The following LUZP2 variants were observed in gnomAD, a reference collection of about 807,000 sequenced individuals.
LUZP2 encodes leucine zipper protein 2.
Under a neutral mutation model 51.6 loss-of-function variants are expected in LUZP2, and 52 were observed. That is an observed-to-expected ratio of 1.01 (90% CI 0.81 to 1.27). The LOEUF (loss-of-function observed/expected upper bound fraction) is 1.27, where lower values mean the gene tolerates loss of function less well. LUZP2 is among the 50% of genes most tolerant of loss of function. LUZP2 has a pLI of 0.00. For missense variants in LUZP2, 436 were observed against 395.4 expected (o/e 1.10, Z -0.87); for synonymous variants, 154 against 137.3 (o/e 1.12, Z -0.85).
chr11:24,904,329 C>CG (rs964057993), intron 5 of LUZP2, among the ~76,000 whole-genome samples: 18 of 152,102 alleles, frequency 1.2e-4, no homozygotes, highest in African/African-American at 4.3e-4. Flanking sequence ...GCCACCCAGG[C>CG]TGGAGTGCAG....
intron 1 of LUZP2, among the ~76,000 whole-genome samples, chr11:24,647,031 T>C (rs1855483208): frequency 6.6e-6 from 1 of 152,006 alleles, no homozygotes; most frequent in African/African-American, 2.4e-5. Flanking sequence ...TATTAAGAAG[T>C]TGGGATTTGC....
chr11:25,007,913 A>T (rs1156886947), intron 9 of LUZP2, among the ~76,000 whole-genome samples: 2 of 152,230 alleles, frequency 1.3e-5, no homozygotes, highest in African/African-American at 4.8e-5. Flanking sequence ...TTATGTTGTA[A>T]CTAATATGCC....
In LUZP2 at chr11:24,517,483, C is replaced by CAAAAAAAAAAAAAAAAAAAAAA. The variant is rs71041768; in HGVS notation, c.62+20187_62+20208dup. On this transcript the variant is annotated intron_variant, in intron 1 of 11. Transcript: ENST00000336930. ...CCTGGGTGACAGAGCCAGACGCCGT[C>CAAAAAAAAAAAAAAAAAAAAAA]AAAAAAAAAAAAAAAAAAAAAAAAA... 2.5e-4 allele frequency among the ~76,000 whole-genome samples: 11 copies of CAAAAAAAAAAAAAAAAAAAAAA among 44,144 alleles called. 1 individual carries two copies. The highest frequency in any genetic ancestry group is 3.1e-4 in the Non-Finnish European group (8 of 25,470). 29.0% of individuals were successfully genotyped at this position (44,144 alleles called of 152,430 possible).
chr11:24,817,870 G>A (rs1850231694), intron 5 of LUZP2, among the ~76,000 whole-genome samples: 2 of 151,880 alleles, frequency 1.3e-5, no homozygotes, highest in Non-Finnish European at 2.9e-5. Context: ...CATACACTGT[G>A]TAATATTTTC....
intron 5 of LUZP2, among the ~76,000 whole-genome samples, chr11:24,879,619 C>T (rs140333421): frequency 0.011 from 1,662 of 152,228 alleles, 20 homozygotes; most frequent in South Asian, 0.036. Flanking sequence ...TTCTGACTGG[C>T]GTGAGATGGT....
chr11:24,995,065 A>C (rs1161224387), intron 9 of LUZP2, among the ~76,000 whole-genome samples: 2 of 152,200 alleles, frequency 1.3e-5, no homozygotes, highest in Non-Finnish European at 2.9e-5. Flanking sequence ...TTATAACCAC[A>C]AAATAAATTG....
rs113069193 is a variant in LUZP2, at chr11:24,707,307, C to T, written c.63-21862C>T. ...CTCTCTCTCTCTCATTCTGTGTGTGCGTGTGTGTGTGTGTGTGTGCATGTG... is the reference window on the plus strand; with the variant it reads ...CTCTCTCTCTCTCATTCTGTGTGTGTGTGTGTGTGTGTGTGTGTGCATGTG... On this transcript the variant is annotated intron_variant, in intron 1 of 11. Coordinates refer to ENST00000336930, the MANE Select transcript of LUZP2 (RefSeq NM_001009909.4). Among the ~76,000 whole-genome samples, 123 of 147,614 alleles carry T rather than the reference C, an allele frequency of 8.3e-4. 1 individual carries two copies. The South Asian group carries it at 0.012, about 14-fold the overall frequency.
chr11:24,762,903 T>A, intron 4 of LUZP2: 1 of 745,224 alleles, frequency 1.3e-6, no homozygotes, highest in South Asian at 6.1e-5. Context: ...GATTCCTAGG[T>A]TCAACTCTAG....
At chr11:25,062,124 A>G (rs1858857373) in intron 10 of LUZP2, among the ~76,000 whole-genome samples, 1 of 151,174 alleles carries the variant, frequency 6.6e-6, no homozygotes, top group African/African-American at 2.4e-5. Flanking sequence ...AAGAAGAAAA[A>G]GGAGGGAGAC....
At chr11:24,930,135 G>T (rs947765279) in intron 7 of LUZP2, among the ~76,000 whole-genome samples, 1 of 152,180 alleles carries the variant, frequency 6.6e-6, no homozygotes, top group South Asian at 2.1e-4. Flanking sequence ...TGTGTTGGGT[G>T]AGTCTCTTGA....
intron 1 of LUZP2, among the ~76,000 whole-genome samples, chr11:24,630,750 T>C (rs1023316068): frequency 3.3e-5 from 5 of 151,660 alleles, no homozygotes; most frequent in Non-Finnish European, 5.9e-5. Context: ...TGTTGTTATA[T>C]TGATAGAGTT....
At chr11:24,742,611 T>C (rs1320568285) in intron 4 of LUZP2, among the ~76,000 whole-genome samples, 1 of 152,158 alleles carries the variant, frequency 6.6e-6, no homozygotes, top group Non-Finnish European at 1.5e-5. Flanking sequence ...GTCAGATGTA[T>C]AGATTATGAA....
intron 1 of LUZP2, among the ~76,000 whole-genome samples, chr11:24,532,842 AATTAT>A (rs1038188519): frequency 2.2e-4 from 33 of 151,242 alleles, no homozygotes; most frequent in African/African-American, 7.5e-4. Flanking sequence ...TTTTAACTAT[AATTAT>A]ATTATCAGGT....
intron 1 of LUZP2, among the ~76,000 whole-genome samples, chr11:24,726,033 C>A (rs573497924): frequency 6.6e-6 from 1 of 152,178 alleles, no homozygotes; most frequent in South Asian, 2.1e-4. Flanking sequence ...GATTTCTAGC[C>A]TCCAGAATTG....
intron 7 of LUZP2, among the ~76,000 whole-genome samples, chr11:24,917,659 A>G (rs2133807134): frequency 6.6e-6 from 1 of 151,952 alleles, no homozygotes; most frequent in South Asian, 2.1e-4. Context: ...GTGTGGTATT[A>G]TTTCTGAGGG....
rs186318557 is a variant in LUZP2 at position 24,808,844 on chromosome 11, C to A, written c.396+45536C>A. On this transcript the variant is annotated intron_variant, in intron 5 of 11. Transcript: ENST00000336930. Reference sequence around the variant, plus strand: ...ATGTGTGCGTTTCAAGATTAGGTAACTCATTAACTAAAATGACAATAGCTA... The same window carrying A: ...ATGTGTGCGTTTCAAGATTAGGTAAATCATTAACTAAAATGACAATAGCTA... Among the ~76,000 whole-genome samples the A allele has an allele frequency of 2.1e-4, 32 of 152,162 alleles. No individual in the cohort carries two copies. The East Asian group carries it at 5.8e-3, about 27-fold the overall frequency.
chr11:24,682,761 G>A (rs544009679), intron 1 of LUZP2, among the ~76,000 whole-genome samples: 40 of 151,826 alleles, frequency 2.6e-4, no homozygotes, highest in Non-Finnish European at 4.7e-4. Flanking sequence ...ATCCCAGCAC[G>A]TTGGGAGGCC....
At chr11:25,050,291 C>CT (rs71044331) in intron 10 of LUZP2, among the ~76,000 whole-genome samples, 161 bp downstream of exon 10, 2,963 of 77,086 alleles carry the variant, frequency 0.038, 876 homozygotes, top group East Asian at 0.057. Flanking sequence ...TCTTTATGTT[C>CT]TTTTTTTTTT....
At chr11:24,998,273 G>A (rs1338641413) in intron 9 of LUZP2, among the ~76,000 whole-genome samples, 7 of 152,092 alleles carry the variant, frequency 4.6e-5, no homozygotes, top group Non-Finnish European at 8.8e-5. Context: ...TCTTCCATTT[G>A]TTTGTATCCT....
Sources: allele counts gnomAD v4.1 joint callset (sites outside exome capture counted in the v4.1 genomes callset), GRCh38; gene constraint gnomAD v4.1.1; transcripts MANE v1.5; gene names NCBI Gene and HGNC (gene_info 2026-07-23, HGNC 2026-07-21).